The following CELSR1 variants were observed in gnomAD, a reference collection of about 807,000 sequenced individuals.
CELSR1 encodes adhesion G protein-coupled receptor C1.
Under a neutral mutation model 249.1 loss-of-function variants are expected in CELSR1, and 110 were observed. That is an observed-to-expected ratio of 0.44 (90% CI 0.38 to 0.52). CELSR1 has a LOEUF of 0.52. CELSR1 is among the 20% of genes least tolerant of loss of function. The pLI is 0.00. For missense variants in CELSR1, 4,109 were observed against 4,296.4 expected, an observed-to-expected ratio of 0.96 and a Z score of 1.22; for synonymous variants, 2,113 against 1,900.0, an observed-to-expected ratio of 1.11 and a Z score of -2.92.
At chr22:46,480,838 T>C (rs1012892698) in intron 1 of CELSR1, among the ~76,000 whole-genome samples, 6 of 152,246 alleles carry the variant, frequency 3.9e-5, no homozygotes, top group African/African-American at 1.4e-4. Context: ...TTCCGTTTCA[T>C]TTTTTAGGAC....
intron 25 of CELSR1, 26 bp downstream of exon 25, chr22:46,372,857 T>A: frequency 6.3e-7 from 1 of 1,578,006 alleles, no homozygotes; most frequent in Non-Finnish European, 8.6e-7. Context: ...TGTGGTTTTA[T>A]GCAGGGCCAC....
intron 5 of CELSR1, among the ~76,000 whole-genome samples, chr22:46,424,376 G>A (rs1268891430): frequency 1.3e-5 from 2 of 152,102 alleles, no homozygotes; most frequent in Admixed American, 1.3e-4. Flanking sequence ...ACCACACCTG[G>A]CCTGAAAGTT....
At chr22:46,530,494 C>T (rs897021349) in intron 1 of CELSR1, 10 of 152,046 alleles carry the variant, frequency 6.6e-5, no homozygotes, top group Admixed American at 2.6e-4. Context: ...TCATCAGCCA[C>T]GTTGCCCTGA....
chr22:46,513,121 C>T (rs906263874), intron 1 of CELSR1, among the ~76,000 whole-genome samples: 10 of 152,294 alleles, frequency 6.6e-5, no homozygotes, highest in African/African-American at 1.7e-4. Context: ...CCATCACGGG[C>T]GCCTCTCAAA....
rs1174185302 is a variant in CELSR1, at chr22:46,490,891, C to G, written c.3545-26546G>C. On this transcript the variant is annotated intron_variant, in intron 1 of 34. Coordinates refer to ENST00000674500, the MANE Select transcript of CELSR1 (RefSeq NM_001378328.1). This position sits in a 1 kb window ranked among gnomAD's most constrained non-coding sequence, Gnocchi z 5.2. ...GCCAGGTGTCATTTTCGCTGCTCTA[C>G]AGACCAGGCCTCAGAGGATCAGGAG... 1.3e-5 allele frequency among the ~76,000 whole-genome samples: 2 copies of G among 152,138 alleles called. No homozygotes were observed. Among genetic ancestry groups the G allele is most frequent in the Non-Finnish European group, 2.9e-5 (2 of 68,020 alleles).
In CELSR1 at chr22:46,526,464, T is replaced by C. The variant is rs1446655463; in HGVS notation, c.3544+7163A>G. On this transcript the variant is annotated intron_variant, in intron 1 of 34. Transcript: ENST00000674500. This position sits in a 1 kb window ranked among gnomAD's most constrained non-coding sequence, Gnocchi z 4.7. Reference sequence around the variant, plus strand: ...AGGCTGGGTCCTGTTCCCATCCCACTCATGCCAGCAACCTTGTCATTTGCT... The same window carrying C: ...AGGCTGGGTCCTGTTCCCATCCCACCCATGCCAGCAACCTTGTCATTTGCT... 6.6e-6 allele frequency among the ~76,000 whole-genome samples: 1 copy of C among 152,058 alleles called. No individual in the cohort carries two copies. The highest frequency in any genetic ancestry group is 1.5e-5 in the Non-Finnish European group (1 of 68,006).
chr22:46,496,926 ATACAG>A (rs1278746713), intron 1 of CELSR1, among the ~76,000 whole-genome samples: 4 of 152,200 alleles, frequency 2.6e-5, no homozygotes, highest in Non-Finnish European at 5.9e-5. Flanking sequence ...CAGTAAATAC[ATACAG>A]TAAATGACCA....
intron 1 of CELSR1, among the ~76,000 whole-genome samples, chr22:46,493,877 C>A (rs552665564): frequency 1.3e-5 from 2 of 152,232 alleles, no homozygotes; most frequent in South Asian, 4.2e-4. Context: ...TCAATTAAAC[C>A]ATTTTTCTTT....
chr22:46,515,020 G>A (rs1281483895), intron 1 of CELSR1, among the ~76,000 whole-genome samples: 1 of 152,076 alleles, frequency 6.6e-6, no homozygotes, highest in Non-Finnish European at 1.5e-5. Context: ...CCTAGTCCTC[G>A]CCAGCCCCTT....
chr22:46,436,297 G>A lies in CELSR1; in HGVS notation c.4407-8C>T, dbSNP rs781647903. The A allele has an allele frequency of 3.7e-6, 6 of 1,608,774 alleles. No individual in the cohort carries two copies. The highest frequency in any genetic ancestry group is 5.1e-6 in the Non-Finnish European group (6 of 1,175,278). ...CTTTCCTGAGTGGCAAACCTGTGGG[G>A]CCAAGCAGAGGCACATCACAGGATG... On this transcript the variant is annotated splice_region_variant and splice_polypyrimidine_tract_variant and intron_variant, in intron 3 of 34. Coordinates refer to ENST00000674500, the MANE Select transcript of CELSR1 (RefSeq NM_001378328.1). This position sits in a 1 kb window ranked among gnomAD's most constrained non-coding sequence, Gnocchi z 5.9.
chr22:46,381,748 G>A lies in CELSR1; in HGVS notation c.7088+98C>T, dbSNP rs1256206446. 1 of 1,119,068 alleles carries A rather than the reference G, an allele frequency of 8.9e-7. No homozygotes were observed. Among genetic ancestry groups the A allele is most frequent in the East Asian group, 2.6e-5 (1 of 38,578 alleles). 69.3% of individuals were successfully genotyped at this position (1,119,068 alleles called of 1,614,324 possible). On this transcript the variant is annotated intron_variant, in intron 21 of 34. Coordinates refer to ENST00000674500, the MANE Select transcript of CELSR1 (RefSeq NM_001378328.1). This position sits in a 1 kb window ranked among gnomAD's most constrained non-coding sequence, Gnocchi z 6.0. ...CAGGGTCACGGTGAAATGTCACTGT[G>A]AAGACCTGTGCTTGATCAGGATCAG...
rs966374289 is a variant in CELSR1 at position 46,500,392 on chromosome 22, G to T, written c.3544+33235C>A. Reference sequence around the variant, plus strand: ...ATGGCGCAGAGATCACATTTACAGCGGTGGCGGTAACCATGGAAACTGGCA... The same window carrying T: ...ATGGCGCAGAGATCACATTTACAGCTGTGGCGGTAACCATGGAAACTGGCA... On this transcript the variant is annotated intron_variant, in intron 1 of 34. Coordinates refer to ENST00000674500, the MANE Select transcript of CELSR1 (RefSeq NM_001378328.1). The surrounding 1 kb of genome is among the most constrained non-coding windows in gnomAD (Gnocchi z 4.9). Among the ~76,000 whole-genome samples, 1 of 152,176 alleles carries T rather than the reference G, an allele frequency of 6.6e-6. No individual in the cohort carries two copies. Among genetic ancestry groups the T allele is most frequent in the Non-Finnish European group, 1.5e-5 (1 of 68,038 alleles).
chr22:46,367,691 C>T (rs1190013308), intron 28 of CELSR1, 38 bp downstream of exon 28: 1 of 1,570,136 alleles, frequency 6.4e-7, no homozygotes, highest in African/African-American at 1.3e-5. Context: ...TCACGGCGGC[C>T]AGGCAGGGGT....
chr22:46,374,151 G>T lies in CELSR1; in HGVS notation c.7585-1094C>A, dbSNP rs1259003483. Among the ~76,000 whole-genome samples the T allele has an allele frequency of 6.6e-6, 1 of 152,252 alleles. No individual in the cohort carries two copies. The highest frequency in any genetic ancestry group is 1.5e-5 in the Non-Finnish European group (1 of 68,042). On this transcript the variant is annotated intron_variant, in intron 24 of 34. Transcript: ENST00000674500. The surrounding 1 kb of genome is among the most constrained non-coding windows in gnomAD (Gnocchi z 4.3). ...TGCCTCAGACTGTGGCCTCGGTCAG[G>T]AAAGGAGGCGCGAGCGTGTGGCTGG... is the stretch of plus-strand genomic sequence containing the variant.
Position 46,417,574 on chromosome 22 carries a change from C to T in CELSR1, c.4612-5815G>A, listed in dbSNP as rs908328986. On this transcript the variant is annotated intron_variant, in intron 5 of 34. Transcript: ENST00000674500. This position sits in a 1 kb window ranked among gnomAD's most constrained non-coding sequence, Gnocchi z 4.1. ...AAGCCCAACTGAGCCACTGGGCCAC[C>T]GGGTGGGGAGGGCAGCTCCACACTA... Among the ~76,000 whole-genome samples the T allele has an allele frequency of 9.8e-5, 15 of 152,290 alleles. No homozygotes were observed. Among genetic ancestry groups the T allele is most frequent in the Middle Eastern group, 3.4e-3 (1 of 294 alleles).
Position 46,446,990 on chromosome 22 carries a change from C to T in CELSR1, c.4184-7579G>A, listed in dbSNP as rs946897363. ...TAAGCACTTGCAGCACAGCCCTGCA[C>T]AGAAGATAAAGTTAAGCAAAGCGGG... is the stretch of plus-strand genomic sequence containing the variant. On this transcript the variant is annotated intron_variant, in intron 2 of 34. Transcript: ENST00000674500. This position sits in a 1 kb window ranked among gnomAD's most constrained non-coding sequence, Gnocchi z 5.5. 1.3e-5 allele frequency among the ~76,000 whole-genome samples: 2 copies of T among 151,968 alleles called. No homozygotes were observed. The highest frequency in any genetic ancestry group is 2.9e-5 in the Non-Finnish European group (2 of 68,004).
chr22:46,389,411 G>A lies in CELSR1; in HGVS notation c.6434C>T (p.Thr2145Met), dbSNP rs186625018. The A allele has an allele frequency of 6.2e-5, 100 of 1,612,438 alleles. No homozygotes were observed. In the East Asian group the frequency reaches 1.3e-3, roughly 21 times the overall value. ...CACGTCATTGCCAAAGAGCGTGCCC[G>A]TGTGCTGTGTAGCACTGCGCAGCGC... ...VRALRSATQH[T>M]GTLFGNDVRT... Residue 2145 changes from threonine (T) to methionine (M), a missense_variant, in exon 18 of 35, where the codon ACG becomes ATG. Around this residue, in one of 7 missense-constraint regions of CELSR1, gnomAD observed 1,805 missense variants for 1,831.6 expected, o/e 0.99. Coordinates refer to ENST00000674500, the MANE Select transcript of CELSR1 (RefSeq NM_001378328.1).
At position 46,535,858 on chromosome 22, in the gene CELSR1, G is replaced by A. The variant is rs1052866241; in HGVS notation, c.1313C>T (p.Pro438Leu). The A allele has an allele frequency of 3.7e-6, 6 of 1,610,918 alleles. No homozygotes were observed. Among genetic ancestry groups the A allele is most frequent in the Non-Finnish European group, 4.2e-6 (5 of 1,179,856 alleles). ...EANDQGRNPG[P>L]LSATATVYIE... ...GTACACGGTGGCCGTGGCACTGAGC[G>A]GGCCCGGATTGCGCCCCTGGTCGTT... Residue 438 changes from proline (P) to leucine (L), a missense_variant, in exon 1 of 35, where the codon CCG becomes CTG. Around this residue, in one of 7 missense-constraint regions of CELSR1, gnomAD observed 673 missense variants for 636.8 expected, o/e 1.06. Coordinates refer to ENST00000674500, the MANE Select transcript of CELSR1 (RefSeq NM_001378328.1).
At position 46,463,408 on chromosome 22, in the gene CELSR1, C is replaced by T. The variant is rs3788701; in HGVS notation, c.4183+299G>A. ...GCCTGTGCCTGCAACCCCAGCTACT[C>T]GGGAGGCTGAGGCAGAGGAATCGCT... On this transcript the variant is annotated intron_variant, in intron 2 of 34. Transcript: ENST00000674500. Among the ~76,000 whole-genome samples, 90,819 of 151,916 alleles carry T rather than the reference C, an allele frequency of 0.6. 27,338 individuals carry two copies. The highest frequency in any genetic ancestry group is 0.8 in the East Asian group (4,139 of 5,170).
Sources: gnomAD v4.1 joint callset for allele counts (sites outside exome capture counted in the v4.1 genomes callset) on GRCh38, gnomAD v4.1.1 for gene constraint, gnomAD v4.1.1 regional missense constraint, Gnocchi (gnomAD v3.1) non-coding constraint, MANE v1.5 for transcripts, NCBI Gene and HGNC (gene_info 2026-07-23, HGNC 2026-07-21) for gene names.